Variants in POLDIP2 observed in about 807,000 individuals in gnomAD.
POLDIP2 encodes DNA polymerase delta interacting protein 2.
POLDIP2 carries 32 observed loss-of-function variants against 52.9 expected under a neutral mutation model. The ratio of observed to expected loss-of-function variants is 0.61; its 90% CI spans 0.46 to 0.81. POLDIP2 has a LOEUF of 0.81. Ranked by LOEUF, POLDIP2 falls within the 40% of genes least tolerant of loss-of-function variation. The pLI is 0.00. For synonymous variants in POLDIP2, 183 were observed against 183.0 expected (o/e 1.00, Z 0.00); for missense variants, 371 against 477.3 (o/e 0.78, Z 2.07).
rs377159323 is a variant in POLDIP2 at position 28,350,685 on chromosome 17, C to T, written c.786+81G>A. ...TGCACTGCACAGGTTCCGCTCTCGTCAGAAGGTGGGCTCCCCCACCTCCAC... is the reference window on the plus strand; with the variant it reads ...TGCACTGCACAGGTTCCGCTCTCGTTAGAAGGTGGGCTCCCCCACCTCCAC... On this transcript the variant is annotated intron_variant, in intron 8 of 10. Transcript: ENST00000540200. 41 of 1,553,924 alleles carry T rather than the reference C, an allele frequency of 2.6e-5. 2 individuals are homozygous for T. In the South Asian group the frequency reaches 4.5e-4, roughly 17 times the overall value.
At chr17:28,350,067 C>G (rs1907738453) in intron 9 of POLDIP2, among the ~76,000 whole-genome samples, 1 of 152,140 alleles carries the variant, frequency 6.6e-6, no homozygotes, top group African/African-American at 2.4e-5. Context: ...AGAGGCAAGA[C>G]CACAGGGATT....
At chr17:28,354,710 A>C in intron 2 of POLDIP2, 125 bp from the exon 3 acceptor site, 1 of 680,640 alleles carries the variant, frequency 1.5e-6, no homozygotes, top group Admixed American at 2.2e-5. Flanking sequence ...CTTCCCTTGA[A>C]GTCTGTGATC....
rs3744642 is a variant in POLDIP2, at chr17:28,355,785, C to T, written c.243+10G>A. The stretch of plus-strand genomic sequence containing the variant: ...TATGAAAATGAAAGATGACCCAGCC[C>T]AATACTCACCTGCCCGGTCTCATAT... On this transcript the variant is annotated intron_variant, in intron 2 of 10. Transcript: ENST00000540200. The T allele has an allele frequency of 1.4e-4, 226 of 1,604,104 alleles. 2 individuals are homozygous for T. The East Asian group carries it at 5.0e-3, about 36-fold the overall frequency.
intron 10 of POLDIP2, 137 bp downstream of exon 10, chr17:28,348,946 C>A (rs945945437): frequency 5.0e-6 from 3 of 602,216 alleles, no homozygotes; most frequent in African/African-American, 1.9e-5. Flanking sequence ...TCCCACACAA[C>A]AATATAGCAG....
At chr17:28,351,851 G>C in intron 6 of POLDIP2, 51 bp from the exon 7 acceptor site, 1 of 1,546,220 alleles carries the variant, frequency 6.5e-7, no homozygotes, top group South Asian at 1.1e-5. Context: ...GGATACAATT[G>C]TATCTAGTCC....
At position 28,351,730 on chromosome 17, in the gene POLDIP2, G is replaced by A. The variant is rs374185956; in HGVS notation, c.693C>T (p.Ser231=). Residue 231 remains serine, a synonymous_variant, in exon 7 of 11, where the codon TCC becomes TCT. Coordinates refer to ENST00000540200, the MANE Select transcript of POLDIP2 (RefSeq NM_015584.5). ...QEKNHPWLEL[S]DVHRETTENI... ...TCTCAGTTGTTTCCCGATGAACATC[G>A]GAGAGCTCCAGCCAGGGGTGATTCT... is the stretch of plus-strand genomic sequence containing the variant. The A allele has an allele frequency of 2.4e-5, 38 of 1,613,672 alleles. No individual in the cohort carries two copies. The South Asian group carries it at 3.0e-4, about 13-fold the overall frequency.
chr17:28,347,420 G>A lies in POLDIP2; in HGVS notation c.*697C>T, dbSNP rs1332423271. On this transcript the variant is annotated 3_prime_UTR_variant, in exon 11 of 11. Coordinates refer to ENST00000540200, the MANE Select transcript of POLDIP2 (RefSeq NM_015584.5). ...TGGATGCTTGGCAGAGTCATGCTGA[G>A]GGCTGGCACACCCATTGCTCCAGGA... The A allele has an allele frequency of 1.3e-5, 2 of 152,238 alleles. No individual in the cohort carries two copies. The highest frequency in any genetic ancestry group is 2.9e-5 in the Non-Finnish European group (2 of 68,064). The allele number at this position is 152,238 out of a possible 1,614,324, so 9.4% of individuals were successfully genotyped here. A position where few individuals can be genotyped will look rare whatever the true frequency, so the allele number is the denominator to read the frequency against.
At chr17:28,349,809 A>G (rs1555579635) in intron 9 of POLDIP2, among the ~76,000 whole-genome samples, 1 of 152,222 alleles carries the variant, frequency 6.6e-6, no homozygotes, top group East Asian at 1.9e-4. Flanking sequence ...TAACTTGCCG[A>G]AAGTTATGCT....
chr17:28,348,552 A>C (rs1555579362), intron 10 of POLDIP2, among the ~76,000 whole-genome samples: 1 of 152,218 alleles, frequency 6.6e-6, no homozygotes, highest in South Asian at 2.1e-4. Flanking sequence ...GTCTCCACTA[A>C]AAATACAAAA....
chr17:28,351,866 A>G, intron 6 of POLDIP2, 66 bp from the exon 7 acceptor site: 1 of 1,440,702 alleles, frequency 6.9e-7, no homozygotes, highest in Non-Finnish European at 9.8e-7. Flanking sequence ...TAGTCCAATC[A>G]CACAATAGTC....
chr17:28,357,265 C>A, intron 1 of POLDIP2, 23 bp downstream of exon 1: 2 of 1,556,756 alleles, frequency 1.3e-6, no homozygotes, highest in South Asian at 1.2e-5. Flanking sequence ...CAGTTCCTCG[C>A]GCCCCCTGGC....
intron 7 of POLDIP2, 54 bp from the exon 8 acceptor site, chr17:28,350,846 C>T: frequency 2.8e-6 from 4 of 1,406,306 alleles, no homozygotes; most frequent in Non-Finnish European, 4.0e-6. Context: ...CAAGTGTGTT[C>T]CAATCAACAT....
intron 3 of POLDIP2, 65 bp downstream of exon 3, chr17:28,354,423 C>G: frequency 8.9e-7 from 1 of 1,129,806 alleles, no homozygotes; most frequent in Non-Finnish European, 1.3e-6. Flanking sequence ...CCCTAGTACC[C>G]CAATTACATA....
At chr17:28,350,999 T>C (rs1907775866) in intron 7 of POLDIP2, among the ~76,000 whole-genome samples, 1 of 152,000 alleles carries the variant, frequency 6.6e-6, no homozygotes, top group Admixed American at 6.6e-5. Context: ...GCCTCCCCAC[T>C]CCTCATCCCT....
Position 28,352,237 on chromosome 17 carries a change from C to CTTTTTTTTTTTTTTTTTTT in POLDIP2, c.623-438_623-437insAAAAAAAAAAAAAAAAAAA, listed in dbSNP as rs782311219. The stretch of plus-strand genomic sequence containing the variant: ...TGGAAATAGAGCGTTGGAATTATTT[C>CTTTTTTTTTTTTTTTTTTT]TTTTTTTTTTTTTTTTTTGGAGACG... On this transcript the variant is annotated intron_variant, in intron 6 of 10. Coordinates refer to ENST00000540200, the MANE Select transcript of POLDIP2 (RefSeq NM_015584.5). 1.1e-4 allele frequency among the ~76,000 whole-genome samples: 10 copies of CTTTTTTTTTTTTTTTTTTT among 87,654 alleles called. 2 individuals carry two copies. The highest frequency in any genetic ancestry group is 1.9e-4 in the African/African-American group (4 of 20,588). The allele number at this position is 87,654 out of a possible 152,430, so 57.5% of individuals were successfully genotyped here. A position where few individuals can be genotyped will look rare whatever the true frequency, so the allele number is the denominator to read the frequency against.
Position 28,348,918 on chromosome 17 carries a change from A to G in POLDIP2, c.992+165T>C, listed in dbSNP as rs527931475. On this transcript the variant is annotated intron_variant, in intron 10 of 10. Transcript: ENST00000540200. Reference sequence around the variant, plus strand: ...CACAGGGTACTGGGAAACAGGCGGTAATAGAAAATCAGACAAGTCCCACAC... The same window carrying G: ...CACAGGGTACTGGGAAACAGGCGGTGATAGAAAATCAGACAAGTCCCACAC... Among the ~76,000 whole-genome samples the G allele has an allele frequency of 2.6e-5, 4 of 152,336 alleles. No homozygotes were observed. The South Asian group carries it at 8.3e-4, about 32-fold the overall frequency.
At chr17:28,353,416 G>C in intron 4 of POLDIP2, 100 bp from the exon 5 acceptor site, 1 of 695,180 alleles carries the variant, frequency 1.4e-6, no homozygotes, top group Non-Finnish European at 2.6e-6. Context: ...CAGCTACTCG[G>C]GTGGCTGAGG....
rs1232446046 is a variant in POLDIP2 at position 28,354,041 on chromosome 17, T to C, written c.342-250A>G. Among the ~76,000 whole-genome samples, 5 of 152,250 alleles carry C rather than the reference T, an allele frequency of 3.3e-5. No homozygotes were observed. The East Asian group carries it at 9.6e-4, about 29-fold the overall frequency. ...GATACCTCTTAAAAGAAGGGGGCCA[T>C]GTTGAGAAAATCAAATTGCCACCTC... On this transcript the variant is annotated intron_variant, in intron 3 of 10. Transcript: ENST00000540200.
chr17:28,356,975 A>G (rs1908067056), intron 1 of POLDIP2, among the ~76,000 whole-genome samples: 1 of 152,360 alleles, frequency 6.6e-6, no homozygotes, highest in East Asian at 1.9e-4. Context: ...CCAATGCCCT[A>G]GGGCTGAATT....
Sources: allele counts gnomAD v4.1 joint callset (sites outside exome capture counted in the v4.1 genomes callset), GRCh38; gene constraint gnomAD v4.1.1; transcripts MANE v1.5; gene names NCBI Gene and HGNC (gene_info 2026-07-23, HGNC 2026-07-21).